Variants in B3GALT1 observed in about 807,000 individuals in gnomAD.
The protein encoded by B3GALT1 is beta-1,3-galactosyltransferase 1.
B3GALT1 carries 10 observed loss-of-function variants against 23.2 expected under a neutral mutation model. The observed-to-expected ratio is 0.43, with a 90% confidence interval of 0.27 to 0.73. The LOEUF is 0.73. B3GALT1 is among the 30% of genes least tolerant of loss of function. The pLI, the probability that B3GALT1 is intolerant of heterozygous loss-of-function variation, is 0.21. For synonymous variants in B3GALT1, 156 were observed against 141.5 expected (o/e 1.10, Z -0.73); for missense variants, 299 against 405.4 (o/e 0.74, Z 2.25).
chr2:167,441,523 T>G (rs1313743383), intron 1 of B3GALT1, among the ~76,000 whole-genome samples: 1 of 152,212 alleles, frequency 6.6e-6, no homozygotes, highest in Non-Finnish European at 1.5e-5. Flanking sequence ...TTTTATATGG[T>G]TTCTCCACCA....
At chr2:167,739,028 G>A (rs1687533600) in intron 3 of B3GALT1, among the ~76,000 whole-genome samples, 1 of 152,144 alleles carries the variant, frequency 6.6e-6, no homozygotes, top group African/African-American at 2.4e-5. Context: ...CTACATTTCA[G>A]TTTTATGGTG....
chr2:167,793,250 T>C (rs1688477797), intron 3 of B3GALT1, among the ~76,000 whole-genome samples: 1 of 152,138 alleles, frequency 6.6e-6, no homozygotes, highest in Admixed American at 6.5e-5. Context: ...ATCGTGCACC[T>C]AGTGCTTCTT....
intron 1 of B3GALT1, among the ~76,000 whole-genome samples, chr2:167,426,184 T>G (rs1254626985): frequency 6.6e-6 from 1 of 152,160 alleles, no homozygotes; most frequent in Non-Finnish European, 1.5e-5. Context: ...TACAGAAGGA[T>G]TTTCCTGAGA....
intron 3 of B3GALT1, among the ~76,000 whole-genome samples, chr2:167,696,633 C>G (rs1029628963): frequency 6.6e-6 from 1 of 152,124 alleles, no homozygotes; most frequent in African/African-American, 2.4e-5. Context: ...CTTTGCCAAC[C>G]TCACATATAA....
intron 3 of B3GALT1, among the ~76,000 whole-genome samples, chr2:167,817,777 G>A (rs1027837102): frequency 2.0e-5 from 3 of 152,000 alleles, no homozygotes; most frequent in African/African-American, 7.3e-5. Context: ...CAGTTAGTTA[G>A]AATAGAACAT....
At chr2:167,505,631 C>A (rs1699907111) in intron 2 of B3GALT1, among the ~76,000 whole-genome samples, 1 of 152,020 alleles carries the variant, frequency 6.6e-6, no homozygotes, top group Non-Finnish European at 1.5e-5. Context: ...AGCACATACT[C>A]AAGACATGTT....
intron 2 of B3GALT1, among the ~76,000 whole-genome samples, chr2:167,497,735 A>C (rs185313874): frequency 1.3e-5 from 2 of 152,132 alleles, no homozygotes. Flanking sequence ...ATGCAACAAA[A>C]AGATTAGGAA....
intron 2 of B3GALT1, among the ~76,000 whole-genome samples, chr2:167,585,121 ACT>A (rs918035543): frequency 2.0e-5 from 3 of 152,034 alleles, no homozygotes; most frequent in African/African-American, 7.2e-5. Context: ...AGGCAAAGAC[ACT>A]CTTTTCGCTC....
intron 3 of B3GALT1, among the ~76,000 whole-genome samples, chr2:167,753,109 G>A (rs138667035): frequency 9.8e-5 from 15 of 152,336 alleles, no homozygotes; most frequent in African/African-American, 3.6e-4. Context: ...GGAGAGAGGG[G>A]CCATTGCCAT....
intron 3 of B3GALT1, among the ~76,000 whole-genome samples, chr2:167,732,664 G>A (rs1230135474): frequency 6.6e-6 from 1 of 152,232 alleles, no homozygotes; most frequent in African/African-American, 2.4e-5. Context: ...GTAGAAAAGG[G>A]AAGTAAATGT....
At chr2:167,354,001 T>G (rs983468979) in intron 1 of B3GALT1, among the ~76,000 whole-genome samples, 5 of 152,166 alleles carry the variant, frequency 3.3e-5, no homozygotes, top group African/African-American at 1.2e-4. Flanking sequence ...CTAGTAGCAT[T>G]TTCTAGTCCT....
chr2:167,788,846 C>CAGTTT (rs1306755054), intron 3 of B3GALT1, among the ~76,000 whole-genome samples: 1 of 152,100 alleles, frequency 6.6e-6, no homozygotes, highest in African/African-American at 2.4e-5. Flanking sequence ...GAAGGGAGAA[C>CAGTTT]CAATAGAACA....
chr2:167,377,417 T>G (rs2105273751), intron 1 of B3GALT1, among the ~76,000 whole-genome samples: 1 of 152,278 alleles, frequency 6.6e-6, no homozygotes, highest in South Asian at 2.1e-4. Context: ...TGTCTACTGG[T>G]GTCATTGGGG....
chr2:167,571,389 T>TA (rs1684290932), intron 2 of B3GALT1, among the ~76,000 whole-genome samples: 1 of 151,942 alleles, frequency 6.6e-6, no homozygotes, highest in Non-Finnish European at 1.5e-5. Context: ...TATTAACTGT[T>TA]ACTGTGGCAG....
chr2:167,297,229 A>G (rs1696365177), intron 1 of B3GALT1, among the ~76,000 whole-genome samples: 1 of 152,122 alleles, frequency 6.6e-6, no homozygotes, highest in Non-Finnish European at 1.5e-5. Context: ...TTTAAACAAA[A>G]TAACAGTATT....
chr2:167,399,681 A>G (rs920838720), intron 1 of B3GALT1, among the ~76,000 whole-genome samples: 26 of 152,000 alleles, frequency 1.7e-4, no homozygotes, highest in Admixed American at 4.6e-4. Context: ...TTTGCTCCCA[A>G]TGAGATCTCT....
chr2:167,576,163 T>G (rs1684379620), intron 2 of B3GALT1, among the ~76,000 whole-genome samples: 1 of 151,832 alleles, frequency 6.6e-6, no homozygotes, highest in Non-Finnish European at 1.5e-5. Flanking sequence ...ATAGGCCTCT[T>G]TATTTAAACA....
intron 4 of B3GALT1, among the ~76,000 whole-genome samples, chr2:167,843,656 C>G (rs553140155): frequency 7.2e-5 from 11 of 152,272 alleles, no homozygotes; most frequent in African/African-American, 2.6e-4. Flanking sequence ...CCTAAAGACC[C>G]CAGATCACAT....
chr2:167,807,827 AG>A (rs1425180453), intron 3 of B3GALT1, among the ~76,000 whole-genome samples: 1 of 152,250 alleles, frequency 6.6e-6, no homozygotes, highest in African/African-American at 2.4e-5. Flanking sequence ...GATATCTATT[AG>A]GTCTGCTTGG....
Sources: gnomAD v4.1 joint callset for allele counts (sites outside exome capture counted in the v4.1 genomes callset) on GRCh38, gnomAD v4.1.1 for gene constraint, MANE v1.5 for transcripts, NCBI Gene and HGNC (gene_info 2026-07-23, HGNC 2026-07-21) for gene names.